The following MACROH2A1 variants were observed in gnomAD, a reference collection of about 807,000 sequenced individuals.
MACROH2A1 encodes macroH2A.1 histone.
Under a neutral mutation model 31.6 loss-of-function variants are expected in MACROH2A1, and 2 were observed. That is an observed-to-expected ratio of 0.06 (90% CI 0.03 to 0.20). The LOEUF (loss-of-function observed/expected upper bound fraction) is 0.20, where lower values mean the gene tolerates loss of function less well. Among genes scored for constraint, MACROH2A1 ranks in the 10% least tolerant of loss-of-function variants. The pLI is 1.00. For missense variants in MACROH2A1, 230 were observed against 474.0 expected (o/e 0.49, Z 4.78); for synonymous variants, 169 against 189.6 (o/e 0.89, Z 0.89).
intron 5 of MACROH2A1, chr5:135,354,747 C>T: frequency 3.4e-6 from 1 of 298,264 alleles, no homozygotes; most frequent in Non-Finnish European, 6.5e-6. Flanking sequence ...CAAGTGAACT[C>T]TCAGGATTTA....
intron 2 of MACROH2A1, among the ~76,000 whole-genome samples, chr5:135,375,379 T>C (rs748309928): frequency 1.5e-4 from 23 of 152,260 alleles, no homozygotes; most frequent in Non-Finnish European, 3.1e-4. Flanking sequence ...GGCAGCCTTT[T>C]TGACTACAGA....
chr5:135,387,181 T>G (rs1417544906), intron 2 of MACROH2A1, among the ~76,000 whole-genome samples: 1 of 152,206 alleles, frequency 6.6e-6, no homozygotes, highest in Non-Finnish European at 1.5e-5. Flanking sequence ...TATACATAGC[T>G]TTCCTGGGTG....
chr5:135,344,616 A>G (rs1315253311), intron 7 of MACROH2A1: 2 of 152,208 alleles, frequency 1.3e-5, no homozygotes, highest in Non-Finnish European at 1.5e-5. Flanking sequence ...ATGAGAAGTC[A>G]TGGCTAAACT....
chr5:135,341,639 G>A (rs1759891055), intron 8 of MACROH2A1, among the ~76,000 whole-genome samples: 1 of 152,212 alleles, frequency 6.6e-6, no homozygotes, highest in Non-Finnish European at 1.5e-5. Context: ...GTGACAGGAA[G>A]CCCACTCTGT....
chr5:135,351,883 G>A (rs1050761868), intron 6 of MACROH2A1, among the ~76,000 whole-genome samples: 5 of 151,488 alleles, frequency 3.3e-5, no homozygotes, highest in African/African-American at 1.2e-4. Flanking sequence ...AGTATAAAAT[G>A]TGCTTTGGAT....
chr5:135,345,811 A>G, intron 7 of MACROH2A1, 157 bp downstream of exon 7: 1 of 571,486 alleles, frequency 1.7e-6, no homozygotes, highest in Non-Finnish European at 3.2e-6. Flanking sequence ...CATGTGGTGA[A>G]ACTCTAAGAT....
rs574373709 is a variant in MACROH2A1, at chr5:135,350,704, C to T, written c.688+2242G>A. ...ACAACCCAGGGACAGGAGACAGGGT[C>T]AGGACAGCTGGAAGTGTGAAATGAA... On this transcript the variant is annotated intron_variant, in intron 6 of 8. Transcript: ENST00000511689. The T allele has an allele frequency of 4.6e-6, 3 of 646,350 alleles. No individual in the cohort carries two copies. In the South Asian group the frequency reaches 5.4e-5, roughly 12 times the overall value. 40.0% of individuals were successfully genotyped at this position (646,350 alleles called of 1,614,324 possible).
At chr5:135,344,509 GAGTCCTGGCTCTGCT>G (rs1760502953) in intron 7 of MACROH2A1, 1 of 152,150 alleles carries the variant, frequency 6.6e-6, no homozygotes, top group Admixed American at 6.5e-5. Flanking sequence ...GTGTGAATTT[GAGTCCTGGCTCTGCT>G]TTGTGACTGG....
At chr5:135,374,702 C>T (rs1348361097) in intron 2 of MACROH2A1, among the ~76,000 whole-genome samples, 1 of 152,224 alleles carries the variant, frequency 6.6e-6, no homozygotes, top group East Asian at 1.9e-4. Context: ...AAAAGAAAAG[C>T]GATTCTGAGA....
chr5:135,343,458 A>G (rs1447510436), intron 7 of MACROH2A1, 24 bp from the exon 8 acceptor site: 1 of 1,611,128 alleles, frequency 6.2e-7, no homozygotes, highest in Non-Finnish European at 8.5e-7. Flanking sequence ...GATGAAACAG[A>G]AACAGTGAGC....
chr5:135,335,154 A>C lies in MACROH2A1; in HGVS notation c.954-13T>G. ...TGGAAAACCGTTCCTGGAGAAGAGA[A>C]GATAAGCACTCAGCAACTGGGATGC... On this transcript the variant is annotated splice_polypyrimidine_tract_variant and intron_variant, in intron 8 of 8. Coordinates refer to ENST00000511689, the MANE Select transcript of MACROH2A1 (RefSeq NM_138610.3). 1 of 1,611,740 alleles carries C rather than the reference A, an allele frequency of 6.2e-7. No individual in the cohort carries two copies. The highest frequency in any genetic ancestry group is 1.3e-5 in the African/African-American group (1 of 75,018).
rs114321879 is a variant in MACROH2A1, at chr5:135,341,732, C to T, written c.953+1528G>A. Among the ~76,000 whole-genome samples the T allele has an allele frequency of 8.1e-3, 1,237 of 152,324 alleles. 7 individuals carry two copies. The highest frequency in any genetic ancestry group is 0.013 in the Non-Finnish European group (865 of 68,038). The stretch of plus-strand genomic sequence containing the variant: ...GGCAAAATCACGAGGCCTGCCTAAG[C>T]GGAAAATGGCAAAATCTACTCTCTA... On this transcript the variant is annotated intron_variant, in intron 8 of 8. Transcript: ENST00000511689.
chr5:135,365,657 A>G (rs1003783841), intron 4 of MACROH2A1, among the ~76,000 whole-genome samples: 1 of 152,226 alleles, frequency 6.6e-6, no homozygotes, highest in African/African-American at 2.4e-5. Flanking sequence ...ACTCAGTATT[A>G]AATGTTAAAA....
intron 5 of MACROH2A1, chr5:135,353,665 G>C (rs1371207831): frequency 6.6e-6 from 1 of 152,220 alleles, no homozygotes; most frequent in Non-Finnish European, 1.5e-5. Flanking sequence ...GAAACCCAGG[G>C]GAGGAAGGTT....
At position 135,369,270 on chromosome 5, in the gene MACROH2A1, C is replaced by T; in HGVS notation, c.477+136G>A. 1 of 759,726 alleles carries T rather than the reference C, an allele frequency of 1.3e-6. No homozygotes were observed. The highest frequency in any genetic ancestry group is 2.3e-6 in the Non-Finnish European group (1 of 439,792). The allele number at this position is 759,726 out of a possible 1,614,324, so 47.1% of individuals were successfully genotyped here. On this transcript the variant is annotated intron_variant, in intron 4 of 8. Coordinates refer to ENST00000511689, the MANE Select transcript of MACROH2A1 (RefSeq NM_138610.3). This position sits in a 1 kb window ranked among gnomAD's most constrained non-coding sequence, Gnocchi z 4.3. The stretch of plus-strand genomic sequence containing the variant: ...TGGACTAGCCCCTCTGGAGAGTAAT[C>T]AGCTCCTACATGTTCCTCCTTTATT...
At chr5:135,361,306 A>C in intron 4 of MACROH2A1, 1 of 153,738 alleles carries the variant, frequency 6.5e-6, no homozygotes, top group Non-Finnish European at 1.4e-5. Context: ...ACTTCCTAAC[A>C]TTTTCCTACA....
intron 2 of MACROH2A1, among the ~76,000 whole-genome samples, chr5:135,382,171 C>A (rs183780498): frequency 7.9e-5 from 12 of 152,266 alleles, no homozygotes; most frequent in African/African-American, 2.9e-4. Context: ...AAAGAAGAAC[C>A]CTTCATATGG....
intron 2 of MACROH2A1, among the ~76,000 whole-genome samples, chr5:135,376,589 C>T (rs978921579): frequency 5.3e-5 from 8 of 152,144 alleles, no homozygotes; most frequent in Non-Finnish European, 1.0e-4. Context: ...GGGCAGCAAT[C>T]GCAAATGGCA....
chr5:135,337,924 G>T, intron 8 of MACROH2A1: 1 of 1,152,532 alleles, frequency 8.7e-7, no homozygotes, highest in Middle Eastern at 2.4e-4. Context: ...CCATCCCTCT[G>T]TCCTAGGAAG....
Sources: allele counts gnomAD v4.1 joint callset (sites outside exome capture counted in the v4.1 genomes callset), GRCh38; gene constraint gnomAD v4.1.1; non-coding constraint Gnocchi (gnomAD v3.1); transcripts MANE v1.5; gene names NCBI Gene and HGNC (gene_info 2026-07-23, HGNC 2026-07-21).